Variants in LPP observed in about 807,000 individuals in gnomAD.
The protein encoded by LPP is lipoma-preferred partner.
Under a neutral mutation model 60.4 loss-of-function variants are expected in LPP, and 38 were observed. That is an observed-to-expected ratio of 0.63 (90% CI 0.49 to 0.83). The LOEUF (loss-of-function observed/expected upper bound fraction) is 0.83. Among genes scored for constraint, LPP ranks in the 40% least tolerant of loss-of-function variants. The pLI, the probability that LPP is intolerant of heterozygous loss-of-function variation, is 0.00. For missense variants in LPP, 902 were observed against 783.6 expected, an observed-to-expected ratio of 1.15 and a Z score of -1.80; for synonymous variants, 328 against 290.8, an observed-to-expected ratio of 1.13 and a Z score of -1.30.
chr3:188,468,102 T>TACGAAA (rs549321620), intron 4 of LPP, among the ~76,000 whole-genome samples: 80 of 152,264 alleles, frequency 5.3e-4, no homozygotes, highest in African/African-American at 1.9e-3. Flanking sequence ...ATGAAAAGAA[T>TACGAAA]ACGAAATGTC....
chr3:188,495,148 ATATT>A (rs1165205754), intron 5 of LPP, among the ~76,000 whole-genome samples: 7 of 118,022 alleles, frequency 5.9e-5, no homozygotes, highest in African/African-American at 2.2e-4. Flanking sequence ...TATTTATATT[ATATT>A]TATATTTATT....
chr3:188,676,460 C>G lies in LPP; in HGVS notation c.1114-31807C>G, dbSNP rs138480168. 4.2e-3 allele frequency among the ~76,000 whole-genome samples: 622 copies of G among 149,494 alleles called. 5 individuals are homozygous for G. Among genetic ancestry groups the G allele is most frequent in the African/African-American group, 0.014 (591 of 40,850 alleles). On this transcript the variant is annotated intron_variant, in intron 7 of 11. Transcript: ENST00000617246. ...ATGGGATTAATGCATCTCCAAAAAA[C>G]GTGTATTTTCTAACCCTGTGCAAAA...
At chr3:188,275,863 A>G (rs1005074673) in intron 2 of LPP, among the ~76,000 whole-genome samples, 3 of 152,032 alleles carry the variant, frequency 2.0e-5, no homozygotes, top group East Asian at 1.9e-4. Flanking sequence ...TTTAGTAGAC[A>G]TGGGGTTTCA....
chr3:188,376,193 T>C (rs1473121048), intron 3 of LPP, among the ~76,000 whole-genome samples: 1 of 151,928 alleles, frequency 6.6e-6, no homozygotes, highest in African/African-American at 2.4e-5. Context: ...CGATTTGGGG[T>C]GGAGAGTTCT....
intron 4 of LPP, among the ~76,000 whole-genome samples, chr3:188,458,073 C>T (rs931668005): frequency 2.0e-5 from 3 of 152,148 alleles, no homozygotes; most frequent in Admixed American, 6.5e-5. Context: ...ATATTGTACT[C>T]ACACAGTTAC....
At chr3:188,236,735 T>C (rs1424279467) in intron 2 of LPP, among the ~76,000 whole-genome samples, 1 of 152,248 alleles carries the variant, frequency 6.6e-6, no homozygotes, top group Non-Finnish European at 1.5e-5. Context: ...TTAAAACTTT[T>C]ATTGCTAAAA....
intron 2 of LPP, among the ~76,000 whole-genome samples, chr3:188,234,118 T>C (rs961061126): frequency 6.6e-6 from 1 of 152,112 alleles, no homozygotes; most frequent in African/African-American, 2.4e-5. Context: ...TCTGTACTCT[T>C]ATGGAACTTA....
intron 2 of LPP, among the ~76,000 whole-genome samples, chr3:188,279,677 T>C (rs183454255): frequency 1.7e-3 from 264 of 152,374 alleles, no homozygotes; most frequent in Middle Eastern, 0.014. Flanking sequence ...ATTAGCAGGC[T>C]TGATTATCTC....
At chr3:188,254,809 C>T (rs1731104069) in intron 2 of LPP, among the ~76,000 whole-genome samples, 1 of 152,132 alleles carries the variant, frequency 6.6e-6, no homozygotes, top group Admixed American at 6.6e-5. Context: ...TGGGCGCCCT[C>T]CTGCAGTGTA....
chr3:188,718,466 A>G (rs1299624125), intron 8 of LPP, among the ~76,000 whole-genome samples: 2 of 152,200 alleles, frequency 1.3e-5, no homozygotes, highest in Non-Finnish European at 2.9e-5. Context: ...CTTTTAAGGA[A>G]TTTTGTGTAT....
At chr3:188,398,306 A>G (rs1396066995) in intron 3 of LPP, among the ~76,000 whole-genome samples, 4 of 152,238 alleles carry the variant, frequency 2.6e-5, no homozygotes, top group African/African-American at 9.6e-5. Flanking sequence ...CTGAGGTTCA[A>G]AGAGGTTAAG....
chr3:188,493,547 A>T (rs149936117), intron 5 of LPP, among the ~76,000 whole-genome samples: 1 of 151,266 alleles, frequency 6.6e-6, no homozygotes, highest in Non-Finnish European at 1.5e-5. Context: ...TCCTGCCTCA[A>T]CCTCCTAAGT....
At chr3:188,526,322 T>G (rs1820572458) in intron 6 of LPP, among the ~76,000 whole-genome samples, 1 of 151,694 alleles carries the variant, frequency 6.6e-6, no homozygotes, top group Non-Finnish European at 1.5e-5. Flanking sequence ...TGAGATGGAG[T>G]CTCTCTCTGT....
intron 2 of LPP, among the ~76,000 whole-genome samples, chr3:188,290,477 A>T (rs1745573566): frequency 6.6e-6 from 1 of 152,096 alleles, no homozygotes; most frequent in Non-Finnish European, 1.5e-5. Flanking sequence ...GAGCATGTAG[A>T]ACAATGCTTG....
At chr3:188,466,804 AACATATATATATATATATATATAT>A (rs1218194491) in intron 4 of LPP, among the ~76,000 whole-genome samples, 1,172 of 72,950 alleles carry the variant, frequency 0.016, 134 homozygotes, top group African/African-American at 0.05. Flanking sequence ...GTCATCTCAG[AACATATATATATATATATATATAT>A]ATATATATAT....
At chr3:188,527,940 A>G (rs1292732911) in intron 6 of LPP, among the ~76,000 whole-genome samples, 1 of 152,126 alleles carries the variant, frequency 6.6e-6, no homozygotes, top group African/African-American at 2.4e-5. Flanking sequence ...TTTAGCTTAC[A>G]TCTACTTTAT....
At chr3:188,816,682 C>A (rs1366876737) in intron 9 of LPP, among the ~76,000 whole-genome samples, 1 of 152,128 alleles carries the variant, frequency 6.6e-6, no homozygotes, top group Non-Finnish European at 1.5e-5. Flanking sequence ...TTCTGAAATT[C>A]TCTGCTATTT....
At chr3:188,576,574 T>C (rs1834666564) in intron 6 of LPP, among the ~76,000 whole-genome samples, 1 of 152,190 alleles carries the variant, frequency 6.6e-6, no homozygotes, top group South Asian at 2.1e-4. Flanking sequence ...TGCTCTTCAC[T>C]TTATACCACC....
intron 2 of LPP, among the ~76,000 whole-genome samples, chr3:188,226,333 T>C (rs1717753817): frequency 1.3e-5 from 2 of 152,118 alleles, no homozygotes; most frequent in South Asian, 4.1e-4. Context: ...TAACAACCCT[T>C]TGGGGCAGAG....
Sources: allele counts gnomAD v4.1 joint callset (sites outside exome capture counted in the v4.1 genomes callset), GRCh38; gene constraint gnomAD v4.1.1; transcripts MANE v1.5; gene names NCBI Gene and HGNC (gene_info 2026-07-23, HGNC 2026-07-21).